Variants in SORCS2 observed in about 807,000 individuals in gnomAD.
SORCS2 encodes sortilin related VPS10 domain containing receptor 2, also known as VPS10 domain-containing receptor SorCS2.
Under a neutral mutation model 141.6 loss-of-function variants are expected in SORCS2, and 100 were observed. The ratio of observed to expected loss-of-function variants is 0.71; its 90% CI spans 0.60 to 0.83. SORCS2 has a LOEUF of 0.83. Among genes scored for constraint, SORCS2 ranks in the 40% least tolerant of loss-of-function variants. The pLI, the probability that SORCS2 is intolerant of heterozygous loss-of-function variation, is 0.00. For missense variants in SORCS2, 1,646 were observed against 1,560.2 expected (o/e 1.05, Z -0.93); for synonymous variants, 789 against 676.9 (o/e 1.17, Z -2.57).
In SORCS2 at chr4:7,478,331, C is replaced by A. The variant is rs139019847; in HGVS notation, c.549-53199C>A. 4.8e-3 allele frequency among the ~76,000 whole-genome samples: 726 copies of A among 152,232 alleles called. 7 individuals are homozygous for A. The highest frequency in any genetic ancestry group is 0.017 in the African/African-American group (693 of 41,524). On this transcript the variant is annotated intron_variant, in intron 2 of 26. Coordinates refer to ENST00000507866, the MANE Select transcript of SORCS2 (RefSeq NM_020777.3). ...CCCTCCCCATGGTCTGCGTCACCAG[C>A]TCCCCCTCCTCCAGGGCTTTGTTGA...
intron 3 of SORCS2, among the ~76,000 whole-genome samples, chr4:7,588,810 TCA>T: frequency 6.6e-6 from 1 of 152,362 alleles, no homozygotes; most frequent in Middle Eastern, 3.4e-3. Context: ...AATGCTCACA[TCA>T]TGGTATGAGC....
chr4:7,555,660 C>A lies in SORCS2; in HGVS notation c.648+24031C>A, dbSNP rs374379127. 3.4e-4 allele frequency among the ~76,000 whole-genome samples: 52 copies of A among 152,328 alleles called. 2 individuals are homozygous for A. The South Asian group carries it at 0.011, about 31-fold the overall frequency. ...TGATTTAAAAAAATGCATCAAATTG[C>A]AAACCTTGGTTTGGTAAAGGAAATG... On this transcript the variant is annotated intron_variant, in intron 3 of 26. Transcript: ENST00000507866.
At chr4:7,581,495 C>T (rs571156129) in intron 3 of SORCS2, among the ~76,000 whole-genome samples, 5 of 152,292 alleles carry the variant, frequency 3.3e-5, no homozygotes, top group East Asian at 1.9e-4. Context: ...AAAATCAAGG[C>T]GTATGTTACG....
At chr4:7,333,595 G>A (rs539813523) in intron 1 of SORCS2, among the ~76,000 whole-genome samples, 102 of 152,136 alleles carry the variant, frequency 6.7e-4, no homozygotes, top group Non-Finnish European at 1.0e-3. Context: ...GGCCCTCGTC[G>A]TCCACCTCCC....
intron 1 of SORCS2, among the ~76,000 whole-genome samples, chr4:7,245,016 G>C (rs28566604): frequency 0.12 from 18,416 of 152,108 alleles, 1,760 homozygotes; most frequent in African/African-American, 0.27. Flanking sequence ...CAAGGTGGCC[G>C]CCTACCTGGG....
intron 1 of SORCS2, among the ~76,000 whole-genome samples, chr4:7,206,675 T>C (rs1337268343): frequency 6.6e-6 from 1 of 152,150 alleles, no homozygotes; most frequent in Non-Finnish European, 1.5e-5. Context: ...GTCGTGGCTG[T>C]GCAGCCAGGT....
intron 5 of SORCS2, among the ~76,000 whole-genome samples, chr4:7,660,590 C>T (rs112342465): frequency 6.6e-6 from 1 of 152,134 alleles, no homozygotes; most frequent in Non-Finnish European, 1.5e-5. Context: ...GCAGTGTGTG[C>T]GGTCTGAGGA....
chr4:7,347,529 G>A (rs934157127), intron 1 of SORCS2, among the ~76,000 whole-genome samples: 3 of 152,178 alleles, frequency 2.0e-5, no homozygotes, highest in African/African-American at 4.8e-5. Flanking sequence ...ACTTGAGTGA[G>A]GCCCAGGGAG....
intron 11 of SORCS2, among the ~76,000 whole-genome samples, chr4:7,694,444 A>T (rs11734947): frequency 0.68 from 102,461 of 151,760 alleles, 35,119 homozygotes; most frequent in East Asian, 0.91. Flanking sequence ...GTTAGGTGAC[A>T]GGCAGCCTGA....
At chr4:7,695,940 G>A (rs55894822) in intron 11 of SORCS2, among the ~76,000 whole-genome samples, 32,930 of 87,530 alleles carry the variant, frequency 0.38, 7,080 homozygotes, top group East Asian at 0.66. Flanking sequence ...GGGTGGGTGG[G>A]TGGATGGATG....
At chr4:7,270,350 C>T (rs62279432) in intron 1 of SORCS2, among the ~76,000 whole-genome samples, 18,014 of 152,308 alleles carry the variant, frequency 0.12, 1,511 homozygotes, top group East Asian at 0.41. Flanking sequence ...CCCACGGCTG[C>T]GTTCACCCTT....
At chr4:7,251,893 G>C (rs1176846284) in intron 1 of SORCS2, among the ~76,000 whole-genome samples, 1 of 152,140 alleles carries the variant, frequency 6.6e-6, no homozygotes, top group Non-Finnish European at 1.5e-5. Context: ...ATTGGGTTTG[G>C]GTGGCAAGGA....
intron 3 of SORCS2, among the ~76,000 whole-genome samples, chr4:7,536,958 A>G (rs932465145): frequency 3.3e-5 from 5 of 152,118 alleles, no homozygotes; most frequent in Admixed American, 6.5e-5. Flanking sequence ...GGTAGAGAGA[A>G]CAGAAGCAAT....
At chr4:7,356,073 G>A (rs951370732) in intron 1 of SORCS2, among the ~76,000 whole-genome samples, 2 of 152,194 alleles carry the variant, frequency 1.3e-5, no homozygotes, top group African/African-American at 2.4e-5. Flanking sequence ...GCTGTTTGGA[G>A]CATTGTTCCC....
chr4:7,303,737 G>C (rs1245782506), intron 1 of SORCS2, among the ~76,000 whole-genome samples: 1 of 152,270 alleles, frequency 6.6e-6, no homozygotes, highest in African/African-American at 2.4e-5. Flanking sequence ...GTCATCACTT[G>C]CTGAATTGTG....
chr4:7,545,375 C>G (rs1032438355), intron 3 of SORCS2, among the ~76,000 whole-genome samples: 2 of 152,188 alleles, frequency 1.3e-5, no homozygotes, highest in African/African-American at 4.8e-5. Context: ...CTCAAGTGCT[C>G]TGGGGACCCA....
chr4:7,489,381 C>T (rs534047055), intron 2 of SORCS2, among the ~76,000 whole-genome samples: 1 of 152,308 alleles, frequency 6.6e-6, no homozygotes, highest in African/African-American at 2.4e-5. Flanking sequence ...TTGCCGCTCC[C>T]TGTGTTGCTT....
intron 11 of SORCS2, among the ~76,000 whole-genome samples, chr4:7,691,149 G>A (rs1724220737): frequency 6.6e-6 from 1 of 152,168 alleles, no homozygotes; most frequent in Non-Finnish European, 1.5e-5. Context: ...AGCACCATCT[G>A]CCACACAGAG....
chr4:7,674,513 G>T (rs1402874024), intron 8 of SORCS2, among the ~76,000 whole-genome samples: 2 of 148,622 alleles, frequency 1.3e-5, no homozygotes, highest in Admixed American at 6.7e-5. Context: ...GGCAGAGCTT[G>T]CAGTGAGCTG....
Sources: gnomAD v4.1 joint callset for allele counts (sites outside exome capture counted in the v4.1 genomes callset) on GRCh38, gnomAD v4.1.1 for gene constraint, MANE v1.5 for transcripts, NCBI Gene and HGNC (gene_info 2026-07-23, HGNC 2026-07-21) for gene names.